HMGCL: variants seen among roughly 807,000 people sequenced by gnomAD.
HMGCL encodes 3-hydroxy-3-methylglutaryl-CoA lyase.
A neutral mutation model predicts 37.3 loss-of-function variants in HMGCL; 26 were observed. The observed-to-expected ratio is 0.70, with a 90% CI of 0.51 to 0.97. HMGCL has a LOEUF of 0.97. Among genes scored for constraint, HMGCL ranks in the 50% least tolerant of loss-of-function variants. The pLI, the probability that HMGCL is intolerant of heterozygous loss-of-function variation, is 0.00. For missense variants in HMGCL, 379 were observed against 398.1 expected (o/e 0.95, Z 0.41); for synonymous variants, 151 against 148.0 (o/e 1.02, Z -0.15).
In HMGCL at chr1:23,806,880, C is replaced by A; in HGVS notation, c.750+1255G>T. 1 of 485,184 alleles carries A rather than the reference C, an allele frequency of 2.1e-6. No individual in the cohort carries two copies. Among genetic ancestry groups the A allele is most frequent in the Admixed American group, 2.2e-5 (1 of 45,512 alleles). 30.1% of individuals were successfully genotyped at this position (485,184 alleles called of 1,614,324 possible). On this transcript the variant is annotated intron_variant, in intron 7 of 8. Transcript: ENST00000374490. The surrounding 1 kb of genome is among the most constrained non-coding windows in gnomAD (Gnocchi z 4.0). ...TGTAATCTTCCATCTGTCTTCCCCA[C>A]CCACCATAACATGAGCTCCCAGAGG...
In HMGCL at chr1:23,809,052, C is replaced by T. The variant is rs1159005384; in HGVS notation, c.562-729G>A. Among the ~76,000 whole-genome samples the T allele has an allele frequency of 4.7e-5, 7 of 150,154 alleles. No individual in the cohort carries two copies. The East Asian group carries it at 1.4e-3, about 29-fold the overall frequency. The stretch of plus-strand genomic sequence containing the variant: ...TCCCAAGTAGCTGGGATCATAGGCA[C>T]CTACCACCACGCCCCACTATTTTTT... On this transcript the variant is annotated intron_variant, in intron 6 of 8. Transcript: ENST00000374490.
At chr1:23,802,747 TC>T (rs1638308660) in intron 8 of HMGCL, among the ~76,000 whole-genome samples, 183 bp from the exon 9 acceptor site, 1 of 152,200 alleles carries the variant, frequency 6.6e-6, no homozygotes, top group Admixed American at 6.5e-5. Flanking sequence ...GGGTTATTCC[TC>T]TGACTCCCCC....
chr1:23,808,444 C>G, intron 6 of HMGCL, 121 bp from the exon 7 acceptor site: 1 of 810,930 alleles, frequency 1.2e-6, no homozygotes, highest in Non-Finnish European at 2.2e-6. Flanking sequence ...TCAGTTCCTA[C>G]TGGATTACAT....
intron 4 of HMGCL, among the ~76,000 whole-genome samples, chr1:23,815,492 T>TTTTTTTC (rs1342079757): frequency 1.3e-5 from 2 of 151,802 alleles, no homozygotes; most frequent in Non-Finnish European, 2.9e-5. Context: ...GCTTTCTTTT[T>TTTTTTTC]TTTTTTCTTT....
intron 2 of HMGCL, among the ~76,000 whole-genome samples, chr1:23,818,667 T>G (rs1638658369): frequency 6.6e-6 from 1 of 151,936 alleles, no homozygotes; most frequent in South Asian, 2.1e-4. Flanking sequence ...TTCTCCTGCC[T>G]CAGCCTCCAG....
chr1:23,808,501 A>G (rs1638453972), intron 6 of HMGCL, among the ~76,000 whole-genome samples, 178 bp from the exon 7 acceptor site: 1 of 152,172 alleles, frequency 6.6e-6, no homozygotes, highest in African/African-American at 2.4e-5. Context: ...ATCTATGATC[A>G]GGAGACTGAG....
At chr1:23,804,327 T>C (rs747353933) in intron 8 of HMGCL, 73 bp downstream of exon 8, 1 of 1,585,560 alleles carries the variant, frequency 6.3e-7, no homozygotes, top group South Asian at 1.1e-5. Flanking sequence ...AATACCCCCA[T>C]CCACTTTTGT....
rs1008470402 is a variant in HMGCL at position 23,823,331 on chromosome 1, A to G, written c.60+2025T>C. On this transcript the variant is annotated intron_variant, in intron 1 of 8. Coordinates refer to ENST00000374490, the MANE Select transcript of HMGCL (RefSeq NM_000191.3). ...AACACTTAATATTTGCCAGGCACAT[A>G]CAAGAGCCATTTACATATTTATTTA... is the stretch of plus-strand genomic sequence containing the variant. Among the ~76,000 whole-genome samples, 7 of 148,814 alleles carry G rather than the reference A, an allele frequency of 4.7e-5. No homozygotes were observed. In the East Asian group the frequency reaches 1.4e-3, roughly 29 times the overall value.
chr1:23,825,270 A>C, intron 1 of HMGCL, 86 bp downstream of exon 1: 1 of 1,131,924 alleles, frequency 8.8e-7, no homozygotes, highest in Non-Finnish European at 1.3e-6. Flanking sequence ...CTCGCCTCTA[A>C]GAGAGCAGTC....
intron 6 of HMGCL, chr1:23,809,470 C>T (rs561228692): frequency 1.3e-5 from 2 of 151,380 alleles, no homozygotes; most frequent in East Asian, 3.9e-4. Context: ...GATCTCCTGA[C>T]CTTGTGATCT....
At chr1:23,804,313 C>T in intron 8 of HMGCL, 87 bp downstream of exon 8, 1 of 1,543,788 alleles carries the variant, frequency 6.5e-7, no homozygotes, top group Non-Finnish European at 8.9e-7. Context: ...CCTTAACAAC[C>T]CCAAATACCC....
chr1:23,819,523 G>C (rs1225280692), intron 2 of HMGCL, among the ~76,000 whole-genome samples: 1 of 152,166 alleles, frequency 6.6e-6, no homozygotes, highest in East Asian at 1.9e-4. Context: ...GAGGTCGGGA[G>C]TTCAAGACCA....
chr1:23,823,868 G>GAAA (rs200504374), intron 1 of HMGCL, among the ~76,000 whole-genome samples: 5 of 142,196 alleles, frequency 3.5e-5, no homozygotes, highest in Admixed American at 1.4e-4. Flanking sequence ...ACCGTCTCAG[G>GAAA]AAAAAAAAAA....
chr1:23,823,868 G>GAA (rs200504374), intron 1 of HMGCL, among the ~76,000 whole-genome samples: 5 of 142,196 alleles, frequency 3.5e-5, no homozygotes, highest in Admixed American at 7.1e-5. Context: ...ACCGTCTCAG[G>GAA]AAAAAAAAAA....
chr1:23,806,964 C>T lies in HMGCL; in HGVS notation c.750+1171G>A, dbSNP rs567055206. ...CAGCACTTAACCTGGCACATCGATC[C>T]ATATTTCCGAAGTAACTGATGGAAG... On this transcript the variant is annotated intron_variant, in intron 7 of 8. Transcript: ENST00000374490. The surrounding 1 kb of genome is among the most constrained non-coding windows in gnomAD (Gnocchi z 4.0). 5.8e-6 allele frequency: 3 copies of T among 518,756 alleles called. No homozygotes were observed. Among genetic ancestry groups the T allele is most frequent in the African/African-American group, 5.8e-5 (3 of 51,956 alleles). 32.1% of individuals were successfully genotyped at this position (518,756 alleles called of 1,614,324 possible). A position where few individuals can be genotyped will look rare whatever the true frequency, so the allele number is the denominator to read the frequency against.
chr1:23,823,427 A>C (rs1408468587), intron 1 of HMGCL, among the ~76,000 whole-genome samples: 2 of 151,774 alleles, frequency 1.3e-5, no homozygotes, highest in Admixed American at 6.6e-5. Context: ...ATCTTGGCTC[A>C]CTGCAACCTT....
chr1:23,818,638 G>A (rs972214770), intron 2 of HMGCL, among the ~76,000 whole-genome samples: 1 of 151,608 alleles, frequency 6.6e-6, no homozygotes, highest in Non-Finnish European at 1.5e-5. Context: ...TGCGACCTCC[G>A]CCTTCCGGGT....
chr1:23,807,718 A>G (rs1638439464), intron 7 of HMGCL, among the ~76,000 whole-genome samples: 1 of 152,158 alleles, frequency 6.6e-6, no homozygotes, highest in Admixed American at 6.5e-5. Context: ...TGTATATTGT[A>G]TGAGTCCTCC....
chr1:23,810,834 C>A (rs758775900), intron 5 of HMGCL, 35 bp from the exon 6 acceptor site: 2 of 1,590,242 alleles, frequency 1.3e-6, no homozygotes, highest in African/African-American at 2.7e-5. Context: ...AGGTCAGTGT[C>A]CTGAGCTTTT....
Sources: allele counts gnomAD v4.1 joint callset (sites outside exome capture counted in the v4.1 genomes callset), GRCh38; gene constraint gnomAD v4.1.1; non-coding constraint Gnocchi (gnomAD v3.1); transcripts MANE v1.5; gene names NCBI Gene and HGNC (gene_info 2026-07-23, HGNC 2026-07-21).